The following AGBL1 variants were observed in gnomAD, a reference collection of about 807,000 sequenced individuals.
AGBL1 encodes cytosolic carboxypeptidase 4.
AGBL1 carries 130 observed loss-of-function variants against 118.9 expected under a neutral mutation model. That is an observed-to-expected ratio of 1.09 (90% CI 0.95 to 1.26). AGBL1 has a LOEUF of 1.26. Among genes scored for constraint, AGBL1 ranks in the 50% most tolerant of loss-of-function variants. The probability of loss-of-function intolerance (pLI) is 0.00; values close to 1 mark genes in which losing one functional copy is unlikely to be tolerated. For synonymous variants in AGBL1, 555 were observed against 478.9 expected, an observed-to-expected ratio of 1.16 and a Z score of -2.08; for missense variants, 1,584 against 1,298.1, an observed-to-expected ratio of 1.22 and a Z score of -3.38.
chr15:86,544,444 T>C (rs2083550180), intron 19 of AGBL1, among the ~76,000 whole-genome samples: 3 of 152,220 alleles, frequency 2.0e-5, no homozygotes, highest in African/African-American at 7.2e-5. Context: ...TCTGTTCTTA[T>C]GCTGCTAATA....
chr15:86,625,868 C>T (rs1001595628), intron 21 of AGBL1, among the ~76,000 whole-genome samples: 3 of 151,908 alleles, frequency 2.0e-5, no homozygotes, highest in Admixed American at 2.0e-4. Context: ...CAAGAAAAAG[C>T]CAGGAAAAAG....
intron 22 of AGBL1, among the ~76,000 whole-genome samples, chr15:86,830,292 C>G (rs2079085729): frequency 6.6e-6 from 1 of 152,078 alleles, no homozygotes; most frequent in African/African-American, 2.4e-5. Context: ...CCTTTTCAAT[C>G]AACCTCTGAG....
At chr15:86,269,693 T>C (rs1181569240) in intron 13 of AGBL1, among the ~76,000 whole-genome samples, 1 of 152,132 alleles carries the variant, frequency 6.6e-6, no homozygotes, top group Non-Finnish European at 1.5e-5. Flanking sequence ...ATATGCGCTA[T>C]TGTGTAATTG....
intron 17 of AGBL1, among the ~76,000 whole-genome samples, chr15:86,305,419 C>G (rs776592786): frequency 6.6e-6 from 1 of 152,062 alleles, no homozygotes; most frequent in Non-Finnish European, 1.5e-5. Flanking sequence ...AAAATGAAAT[C>G]TAAATCTCAT....
chr15:86,329,919 T>C (rs1391498743), intron 17 of AGBL1, among the ~76,000 whole-genome samples: 1 of 152,214 alleles, frequency 6.6e-6, no homozygotes, highest in East Asian at 1.9e-4. Flanking sequence ...ATCCAGAGCA[T>C]CCACTCTCCT....
chr15:86,627,062 G>T (rs980721922), intron 21 of AGBL1, among the ~76,000 whole-genome samples: 1 of 150,638 alleles, frequency 6.6e-6, no homozygotes, highest in Non-Finnish European at 1.5e-5. Context: ...ATGCAATGGC[G>T]CAATCTTGGC....
At chr15:86,226,760 C>T (rs2078371419) in intron 6 of AGBL1, among the ~76,000 whole-genome samples, 1 of 152,152 alleles carries the variant, frequency 6.6e-6, no homozygotes, top group Non-Finnish European at 1.5e-5. Context: ...TTCTTCTTTC[C>T]CTTTAGAGCT....
chr15:86,724,775 A>T (rs2086794241), intron 22 of AGBL1, among the ~76,000 whole-genome samples: 1 of 152,080 alleles, frequency 6.6e-6, no homozygotes, highest in Non-Finnish European at 1.5e-5. Context: ...AAGTTCTTGT[A>T]AGACCCGGTT....
chr15:86,156,659 C>G (rs1036171770), intron 4 of AGBL1, among the ~76,000 whole-genome samples: 3 of 152,128 alleles, frequency 2.0e-5, no homozygotes, highest in Non-Finnish European at 4.4e-5. Context: ...CCGCCCTATG[C>G]TTTTCCCTTA....
At chr15:86,752,550 T>C (rs540930766) in intron 22 of AGBL1, among the ~76,000 whole-genome samples, 142 of 152,234 alleles carry the variant, frequency 9.3e-4, no homozygotes, top group African/African-American at 3.2e-3. Context: ...ATCCATGCTT[T>C]AGGGAGAATG....
intron 19 of AGBL1, among the ~76,000 whole-genome samples, chr15:86,534,605 T>C (rs1174926343): frequency 6.6e-6 from 1 of 152,152 alleles, no homozygotes; most frequent in Admixed American, 6.5e-5. Flanking sequence ...TCTCTTTTGT[T>C]TGTTAGAGAG....
At chr15:86,132,630 A>G (rs1264531853) in intron 1 of AGBL1, among the ~76,000 whole-genome samples, 1 of 152,204 alleles carries the variant, frequency 6.6e-6, no homozygotes, top group Admixed American at 6.5e-5. Context: ...TCCAATCAGC[A>G]TCATTTAAAA....
chr15:86,890,729 T>C (rs1337730299), intron 22 of AGBL1, among the ~76,000 whole-genome samples: 3 of 152,178 alleles, frequency 2.0e-5, no homozygotes, highest in Non-Finnish European at 4.4e-5. Context: ...GAGTTCTTTA[T>C]TCTATTCCAT....
At chr15:86,094,116 ATC>A (rs1896202870) in intron 1 of AGBL1, among the ~76,000 whole-genome samples, 2 of 152,140 alleles carry the variant, frequency 1.3e-5, no homozygotes, top group Non-Finnish European at 2.9e-5. Flanking sequence ...AAATATTTGA[ATC>A]TCTATATTTG....
chr15:86,340,726 T>C (rs762590166), intron 17 of AGBL1, among the ~76,000 whole-genome samples: 1 of 152,198 alleles, frequency 6.6e-6, no homozygotes, highest in Non-Finnish European at 1.5e-5. Context: ...GCTTCCTCTA[T>C]ACCTATCTGG....
At chr15:86,494,488 T>A (rs1174462773) in intron 18 of AGBL1, among the ~76,000 whole-genome samples, 1 of 152,060 alleles carries the variant, frequency 6.6e-6, no homozygotes, top group East Asian at 1.9e-4. Flanking sequence ...TTTTGTATGA[T>A]CTGCAGGATG....
chr15:86,589,060 G>A (rs1596294064), intron 21 of AGBL1, among the ~76,000 whole-genome samples: 1 of 151,842 alleles, frequency 6.6e-6, no homozygotes, highest in South Asian at 2.1e-4. Flanking sequence ...GGACACAGAA[G>A]GACAACAATT....
intron 16 of AGBL1, among the ~76,000 whole-genome samples, chr15:86,289,147 T>C (rs1447040570): frequency 6.6e-6 from 1 of 152,190 alleles, no homozygotes. Flanking sequence ...AAGTGCCTCT[T>C]ATATACAACA....
chr15:86,256,462 A>G (rs2078897032), intron 7 of AGBL1, among the ~76,000 whole-genome samples: 1 of 152,226 alleles, frequency 6.6e-6, no homozygotes, highest in Admixed American at 6.5e-5. Context: ...TGCCTAACGT[A>G]GGCAATAATT....
Sources: gnomAD v4.1 joint callset for allele counts (sites outside exome capture counted in the v4.1 genomes callset) on GRCh38, gnomAD v4.1.1 for gene constraint, MANE v1.5 for transcripts, NCBI Gene and HGNC (gene_info 2026-07-23, HGNC 2026-07-21) for gene names.